NCALD: variants seen among roughly 807,000 people sequenced by gnomAD.
NCALD encodes the protein neurocalcin-delta.
NCALD carries 10 observed loss-of-function variants against 18.6 expected under a neutral mutation model. That is an observed-to-expected ratio of 0.54 (90% CI 0.33 to 0.91). The LOEUF (loss-of-function observed/expected upper bound fraction) is 0.91. NCALD is among the 40% of genes least tolerant of loss of function. The probability of loss-of-function intolerance (pLI) is 0.03; values close to 1 mark genes in which losing one functional copy is unlikely to be tolerated. For missense variants in NCALD, 184 were observed against 247.6 expected (o/e 0.74, Z 1.72); for synonymous variants, 88 against 87.4 (o/e 1.01, Z -0.04).
chr8:102,063,289 T>C (rs1377089345), intron 1 of NCALD, among the ~76,000 whole-genome samples: 1 of 152,192 alleles, frequency 6.6e-6, no homozygotes, highest in East Asian at 1.9e-4. Flanking sequence ...CGAACATTTT[T>C]CTCCCTTCTA....
intron 2 of NCALD, among the ~76,000 whole-genome samples, chr8:101,979,817 G>A (rs1428668329): frequency 3.9e-5 from 6 of 152,214 alleles, no homozygotes; most frequent in Admixed American, 2.0e-4. Context: ...GATGGATTCT[G>A]CAAGCCTCGG....
intron 4 of NCALD, among the ~76,000 whole-genome samples, chr8:101,842,590 T>C (rs557132303): frequency 6.0e-4 from 92 of 152,350 alleles, no homozygotes; most frequent in Middle Eastern, 6.8e-3. Flanking sequence ...GGTCACAAGA[T>C]GGCTATTGCA....
chr8:101,871,940 C>T, intron 4 of NCALD: 1 of 730,790 alleles, frequency 1.4e-6, no homozygotes, highest in Non-Finnish European at 2.5e-6. Context: ...TCCGTCTTAA[C>T]TGCTCTAGAT....
Position 101,687,234 on chromosome 8 carries a change from A to G in NCALD, c.*2075T>C, listed in dbSNP as rs1814509350. ...TAACTGATTCCACCTACCAAAGGAG[A>G]ATCAAAGGAAGGAACTAGGACTTCG... On this transcript the variant is annotated 3_prime_UTR_variant, in exon 4 of 4. Transcript: ENST00000220931. The G allele has an allele frequency of 6.6e-6, 1 of 152,646 alleles. No homozygotes were observed. Among genetic ancestry groups the G allele is most frequent in the Non-Finnish European group, 1.5e-5 (1 of 68,062 alleles). 9.5% of individuals were successfully genotyped at this position (152,646 alleles called of 1,614,324 possible).
chr8:101,880,175 G>A (rs530839634), intron 4 of NCALD, among the ~76,000 whole-genome samples: 49 of 152,280 alleles, frequency 3.2e-4, no homozygotes, highest in Admixed American at 2.5e-3. Context: ...GCGAGAATTC[G>A]AGAGCAGCGC....
chr8:102,098,645 C>G (rs1350605290), intron 1 of NCALD, among the ~76,000 whole-genome samples: 2 of 152,198 alleles, frequency 1.3e-5, no homozygotes, highest in Admixed American at 1.3e-4. Context: ...CTAAAAGAAA[C>G]AAGGATGAAT....
chr8:102,057,517 A>G lies in NCALD; in HGVS notation c.-209-37228T>C, dbSNP rs1011780461. Among the ~76,000 whole-genome samples the G allele has an allele frequency of 3.9e-5, 6 of 152,156 alleles. No homozygotes were observed. The East Asian group carries it at 1.2e-3, about 29-fold the overall frequency. Reference sequence around the variant, plus strand: ...ATTTTATAGTTTTCCTGTTAGAAATATATATTGCTAAAATTTTCATGCTCC... The same window carrying G: ...ATTTTATAGTTTTCCTGTTAGAAATGTATATTGCTAAAATTTTCATGCTCC... On this transcript the variant is annotated intron_variant, in intron 1 of 6. Transcript: ENST00000311028.
intron 2 of NCALD, among the ~76,000 whole-genome samples, chr8:101,927,998 C>T (rs1312285509): frequency 6.6e-6 from 1 of 152,108 alleles, no homozygotes; most frequent in Non-Finnish European, 1.5e-5. Flanking sequence ...GCCTAAATGA[C>T]TGATGAAGTG....
At chr8:101,856,221 G>A (rs1279360844) in intron 4 of NCALD, among the ~76,000 whole-genome samples, 1 of 152,140 alleles carries the variant, frequency 6.6e-6, no homozygotes, top group Non-Finnish European at 1.5e-5. Flanking sequence ...ACCCAGGCTG[G>A]AGTGCAATGG....
In NCALD at chr8:101,689,961, C is replaced by T. The variant is rs1271454101; in HGVS notation, c.485-555G>A. 2.6e-5 allele frequency among the ~76,000 whole-genome samples: 4 copies of T among 152,168 alleles called. No individual in the cohort carries two copies. Among genetic ancestry groups the T allele is most frequent in the African/African-American group, 7.2e-5 (3 of 41,452 alleles). ...GACGTAAGTGTTTGTTCATACACCA[C>T]GGGAAGACAGCTGTGCCTCCATCTG... On this transcript the variant is annotated intron_variant, in intron 3 of 3. Transcript: ENST00000220931. The surrounding 1 kb of genome is among the most constrained non-coding windows in gnomAD (Gnocchi z 4.4).
chr8:101,876,176 C>G (rs1816219284), intron 4 of NCALD, among the ~76,000 whole-genome samples: 1 of 152,190 alleles, frequency 6.6e-6, no homozygotes, highest in Non-Finnish European at 1.5e-5. Flanking sequence ...AGTTGCTATT[C>G]TAATTTGGAG....
intron 1 of NCALD, among the ~76,000 whole-genome samples, chr8:101,722,677 A>C (rs1242328114): frequency 6.6e-6 from 1 of 152,244 alleles, no homozygotes; most frequent in Non-Finnish European, 1.5e-5. Context: ...AGTGCTTCAA[A>C]TTTATTAGCT....
At chr8:101,830,102 G>C (rs1814111578) in intron 4 of NCALD, among the ~76,000 whole-genome samples, 1 of 151,966 alleles carries the variant, frequency 6.6e-6, no homozygotes, top group Non-Finnish European at 1.5e-5. Flanking sequence ...GGTGGGATGG[G>C]GGAACTGCAG....
chr8:101,713,573 A>G (rs1348018444), intron 2 of NCALD, among the ~76,000 whole-genome samples: 5 of 152,180 alleles, frequency 3.3e-5, no homozygotes, highest in Non-Finnish European at 2.9e-5. Context: ...AATCTAATTG[A>G]CACAATAAAA....
chr8:102,035,052 C>T (rs762307694), intron 1 of NCALD, among the ~76,000 whole-genome samples: 4 of 152,176 alleles, frequency 2.6e-5, no homozygotes, highest in East Asian at 1.9e-4. Context: ...CAGATAAGTA[C>T]GCACATGGTT....
chr8:101,865,845 G>A (rs749817376), intron 4 of NCALD, among the ~76,000 whole-genome samples: 8 of 152,104 alleles, frequency 5.3e-5, no homozygotes, highest in Non-Finnish European at 1.0e-4. Flanking sequence ...ATATCCTTGT[G>A]CCTAAAATAC....
intron 3 of NCALD, among the ~76,000 whole-genome samples, chr8:101,895,066 A>G (rs181243483): frequency 0.039 from 5,661 of 145,220 alleles, 246 homozygotes; most frequent in African/African-American, 0.1. Context: ...ACCAAAAAAG[A>G]GAATTTTATA....
At chr8:102,069,260 A>C (rs1426253440) in intron 1 of NCALD, among the ~76,000 whole-genome samples, 2 of 152,168 alleles carry the variant, frequency 1.3e-5, no homozygotes, top group Non-Finnish European at 2.9e-5. Flanking sequence ...TTAATTTTGC[A>C]CAATGTAAAC....
intron 2 of NCALD, among the ~76,000 whole-genome samples, chr8:101,954,940 C>A (rs754449671): frequency 6.6e-6 from 1 of 152,092 alleles, no homozygotes; most frequent in African/African-American, 2.4e-5. Context: ...CCTCTCTGAG[C>A]CTCAGTTATT....
Sources: allele counts gnomAD v4.1 joint callset (sites outside exome capture counted in the v4.1 genomes callset), GRCh38; gene constraint gnomAD v4.1.1; non-coding constraint Gnocchi (gnomAD v3.1); transcripts MANE v1.5; gene names NCBI Gene and HGNC (gene_info 2026-07-23, HGNC 2026-07-21).